The following PDZD2 variants were observed in gnomAD, a reference collection of about 807,000 sequenced individuals.
The protein encoded by PDZD2 is PDZ domain-containing protein 2.
A neutral mutation model predicts 220.7 loss-of-function variants in PDZD2; 90 were observed. The ratio of observed to expected loss-of-function variants is 0.41; its 90% CI spans 0.34 to 0.49. PDZD2 has a LOEUF of 0.49. PDZD2 is among the 20% of genes least tolerant of loss of function. The pLI is 0.28. For missense variants in PDZD2, 3,174 were observed against 3,608.5 expected (o/e 0.88, Z 3.08); for synonymous variants, 1,375 against 1,450.5 (o/e 0.95, Z 1.18).
intron 1 of PDZD2, among the ~76,000 whole-genome samples, chr5:31,753,550 G>A (rs1490017725): frequency 1.3e-5 from 2 of 152,178 alleles, no homozygotes; most frequent in Non-Finnish European, 2.9e-5. Flanking sequence ...GCAGTGGGCT[G>A]AGGTTGCACT....
chr5:31,794,597 G>A (rs926272704), intron 1 of PDZD2, among the ~76,000 whole-genome samples: 18 of 151,744 alleles, frequency 1.2e-4, no homozygotes, highest in African/African-American at 3.9e-4. Flanking sequence ...TAGAGATCAG[G>A]GGTTTCACCA....
chr5:31,874,209 A>T (rs1276112558), intron 2 of PDZD2, among the ~76,000 whole-genome samples: 2 of 152,196 alleles, frequency 1.3e-5, no homozygotes, highest in Non-Finnish European at 2.9e-5. Flanking sequence ...TACTGGTTTA[A>T]ATATTAATCA....
chr5:31,926,993 T>G (rs1744841595), intron 2 of PDZD2, among the ~76,000 whole-genome samples: 1 of 152,228 alleles, frequency 6.6e-6, no homozygotes, highest in Non-Finnish European at 1.5e-5. Flanking sequence ...CCGCATATTA[T>G]TCTCACAAGT....
chr5:31,872,172 A>G (rs1713530376), intron 2 of PDZD2, among the ~76,000 whole-genome samples: 1 of 62,842 alleles, frequency 1.6e-5, no homozygotes, highest in South Asian at 6.8e-4. Context: ...TGTGTGTGTA[A>G]CCAGCCCACC....
chr5:31,780,821 A>G lies in PDZD2; in HGVS notation c.-360-18068A>G, dbSNP rs373759307. Among the ~76,000 whole-genome samples the G allele has an allele frequency of 8.5e-5, 13 of 152,310 alleles. No individual in the cohort carries two copies. In the East Asian group the frequency reaches 2.5e-3, roughly 29 times the overall value. ...TCTGTGATCCCCAGGATTAAGCTTC[A>G]TTTAGGCTGGAGCAGGGTAGCAGCA... On this transcript the variant is annotated intron_variant, in intron 1 of 24. Transcript: ENST00000438447.
chr5:31,714,583 CTAA>C (rs1748325787), intron 1 of PDZD2, among the ~76,000 whole-genome samples: 1 of 152,094 alleles, frequency 6.6e-6, no homozygotes, highest in South Asian at 2.1e-4. Context: ...TGCTGGAGAG[CTAA>C]TGTTTATCCG....
In PDZD2 at chr5:32,059,227, T is replaced by C; in HGVS notation, c.2201-12T>C. 2 of 1,459,668 alleles carry C rather than the reference T, an allele frequency of 1.4e-6. No individual in the cohort carries two copies. Among genetic ancestry groups the C allele is most frequent in the Non-Finnish European group, 1.9e-6 (2 of 1,049,402 alleles). The allele number at this position is 1,459,668 out of a possible 1,614,324, so 90.4% of individuals were successfully genotyped here. On this transcript the variant is annotated splice_polypyrimidine_tract_variant and intron_variant, in intron 12 of 24. Coordinates refer to ENST00000438447, the MANE Select transcript of PDZD2 (RefSeq NM_178140.4). Reference sequence around the variant, plus strand: ...TTTTGTTTTTATTTTCTTTGAATGGTGCCTCTCACAGAGCCAAGAGTTGGA... The same window carrying C: ...TTTTGTTTTTATTTTCTTTGAATGGCGCCTCTCACAGAGCCAAGAGTTGGA...
intron 5 of PDZD2, among the ~76,000 whole-genome samples, chr5:32,006,926 T>TC (rs1752864595): frequency 7.5e-6 from 1 of 133,016 alleles, no homozygotes; most frequent in Admixed American, 7.7e-5. Flanking sequence ...TTTTTTTTTT[T>TC]TTTTTTTGAG....
intron 2 of PDZD2, among the ~76,000 whole-genome samples, chr5:31,971,266 G>T (rs992158710): frequency 1.3e-5 from 2 of 152,238 alleles, no homozygotes; most frequent in Non-Finnish European, 2.9e-5. Flanking sequence ...CTGCTTCCAA[G>T]ATAGCACCTT....
intron 2 of PDZD2, among the ~76,000 whole-genome samples, chr5:31,903,713 C>T (rs189724337): frequency 3.8e-4 from 55 of 146,518 alleles, no homozygotes; most frequent in African/African-American, 1.4e-3. Context: ...TAGTGAAAAA[C>T]ATTTTTTGTT....
Position 32,071,417 on chromosome 5 carries a change from A to C in PDZD2, c.2567A>C (p.Lys856Thr). Residue 856 changes from lysine to threonine, a missense_variant and splice_region_variant, in exon 16 of 25, where the codon AAG becomes ACG. This residue lies in a region of PDZD2 where 1,861 missense variants were observed against 2,001.0 expected (regional missense o/e 0.93). Transcript: ENST00000438447. Reference sequence around the variant, plus strand: ...TTGAAGAGTCCCTCTCTTGCAAAAAAGGTGAGTCAAGGTGAACTGCTACCT... The same window carrying C: ...TTGAAGAGTCCCTCTCTTGCAAAAACGGTGAGTCAAGGTGAACTGCTACCT... ...TPLKSPSLAK[K>T]DSLISESELS... 1 of 1,606,592 alleles carries C rather than the reference A, an allele frequency of 6.2e-7. No individual in the cohort carries two copies. Among genetic ancestry groups the C allele is most frequent in the African/African-American group, 1.3e-5 (1 of 74,878 alleles).
intron 2 of PDZD2, among the ~76,000 whole-genome samples, chr5:31,974,607 G>A (rs1185686227): frequency 1.3e-5 from 2 of 152,174 alleles, no homozygotes; most frequent in East Asian, 3.8e-4. Flanking sequence ...ACAGACTCCT[G>A]GCTCAAAGAT....
At chr5:31,704,559 A>T (rs761524786) in intron 1 of PDZD2, among the ~76,000 whole-genome samples, 2 of 152,216 alleles carry the variant, frequency 1.3e-5, no homozygotes, top group Non-Finnish European at 2.9e-5. Context: ...TGCTCTTTTC[A>T]TCAAATATTT....
At position 32,098,214 on chromosome 5, in the gene PDZD2, C is replaced by A; in HGVS notation, c.7948-150C>A. The A allele has an allele frequency of 1.3e-6, 1 of 759,320 alleles. No individual in the cohort carries two copies. The highest frequency in any genetic ancestry group is 2.1e-6 in the Non-Finnish European group (1 of 478,162). 47.0% of individuals were successfully genotyped at this position (759,320 alleles called of 1,614,324 possible). A position where few individuals can be genotyped will look rare whatever the true frequency, so the allele number is the denominator to read the frequency against. ...CTGAGATTGCACCACTGTACTCCAG[C>A]CTGGGTGACACAGCGAGACTCCCTC... On this transcript the variant is annotated intron_variant, in intron 22 of 24. Transcript: ENST00000438447. The surrounding 1 kb of genome is among the most constrained non-coding windows in gnomAD (Gnocchi z 4.1).
At chr5:31,912,149 A>C (rs1743263944) in intron 2 of PDZD2, among the ~76,000 whole-genome samples, 1 of 152,178 alleles carries the variant, frequency 6.6e-6, no homozygotes, top group African/African-American at 2.4e-5. Flanking sequence ...ACGGCTTATA[A>C]GTAACAAACT....
At chr5:31,986,186 G>A (rs1403750227) in intron 3 of PDZD2, among the ~76,000 whole-genome samples, 1 of 152,046 alleles carries the variant, frequency 6.6e-6, no homozygotes, top group African/African-American at 2.4e-5. Context: ...ATCCTATGAG[G>A]TGTAAATGAA....
intron 2 of PDZD2, chr5:31,840,730 CCTTAA>C: frequency 3.8e-6 from 3 of 789,142 alleles, no homozygotes; most frequent in Non-Finnish European, 4.5e-6. Flanking sequence ...AGAATCTTGC[CCTTAA>C]CTTGTTTGTT....
chr5:31,854,987 C>G, intron 2 of PDZD2: 1 of 985,430 alleles, frequency 1.0e-6, no homozygotes, highest in East Asian at 1.1e-4. Context: ...AGCCGCGTTC[C>G]AGGAGGGCAG....
chr5:31,724,156 T>C (rs1748972247), intron 1 of PDZD2, among the ~76,000 whole-genome samples: 1 of 152,172 alleles, frequency 6.6e-6, no homozygotes, highest in African/African-American at 2.4e-5. Context: ...TTAGCGTAAC[T>C]TCATAGGAAC....
Sources: gnomAD v4.1 joint callset for allele counts (sites outside exome capture counted in the v4.1 genomes callset) on GRCh38, gnomAD v4.1.1 for gene constraint, gnomAD v4.1.1 regional missense constraint, Gnocchi (gnomAD v3.1) non-coding constraint, MANE v1.5 for transcripts, NCBI Gene and HGNC (gene_info 2026-07-23, HGNC 2026-07-21) for gene names.